Variants in RUNX2 observed in about 807,000 individuals in gnomAD.
RUNX2 encodes the protein runt-related transcription factor 2.
In RUNX2, 10 loss-of-function variants were observed where a neutral mutation model predicts 51.7. The ratio of observed to expected loss-of-function variants is 0.19; its 90% CI spans 0.12 to 0.33. The LOEUF (loss-of-function observed/expected upper bound fraction) is 0.33, where lower values mean the gene tolerates loss of function less well. RUNX2 is among the 10% of genes least tolerant of loss of function. The pLI is 1.00. For synonymous variants in RUNX2, 276 were observed against 273.6 expected (o/e 1.01, Z -0.09); for missense variants, 562 against 691.3 (o/e 0.81, Z 2.10).
At chr6:45,432,431 A>G (rs1034210729) in intron 4 of RUNX2, among the ~76,000 whole-genome samples, 5 of 152,204 alleles carry the variant, frequency 3.3e-5, no homozygotes, top group Non-Finnish European at 7.4e-5. Context: ...GACAGCTGGC[A>G]TAATGCTCTT....
chr6:45,384,706 CTTTTTTTTTT>C (rs56307239), intron 2 of RUNX2, among the ~76,000 whole-genome samples: 14 of 61,202 alleles, frequency 2.3e-4, no homozygotes, highest in African/African-American at 4.0e-4. Flanking sequence ...ATTAGGGTGT[CTTTTTTTTTT>C]TTTTTTTTTT....
chr6:45,444,795 T>C (rs2150376250), intron 5 of RUNX2, among the ~76,000 whole-genome samples: 1 of 152,216 alleles, frequency 6.6e-6, no homozygotes, highest in South Asian at 2.1e-4. Context: ...CAAGACATCA[T>C]CTCATTTTTC....
rs1207286547 is a variant in RUNX2 at position 45,387,135 on chromosome 6, C to T, written c.59-35458C>T. On this transcript the variant is annotated intron_variant, in intron 2 of 8. Coordinates refer to ENST00000647337, the MANE Select transcript of RUNX2 (RefSeq NM_001024630.4). The stretch of plus-strand genomic sequence containing the variant: ...GTAAGACATGAGGATAGAAGTAAGG[C>T]AAAGAAGGAACTCAAGTATCATTCC... 2.6e-5 allele frequency among the ~76,000 whole-genome samples: 4 copies of T among 152,100 alleles called. No homozygotes were observed. In the East Asian group the frequency reaches 7.8e-4, roughly 29 times the overall value.
At chr6:45,376,080 T>C (rs773893342) in intron 2 of RUNX2, among the ~76,000 whole-genome samples, 1 of 152,130 alleles carries the variant, frequency 6.6e-6, no homozygotes, top group African/African-American at 2.4e-5. Flanking sequence ...AAACCGACAA[T>C]CACAAAATAG....
Position 45,449,233 on chromosome 6 carries a change from A to G in RUNX2, c.685+11182A>G, listed in dbSNP as rs866143438. On this transcript the variant is annotated intron_variant, in intron 5 of 8. Coordinates refer to ENST00000647337, the MANE Select transcript of RUNX2 (RefSeq NM_001024630.4). Reference sequence around the variant, plus strand: ...TCTATTTCTTCATCTTTCAAATGGAAATAGACATGAAGGCAACTTCACAAA... The same window carrying G: ...TCTATTTCTTCATCTTTCAAATGGAGATAGACATGAAGGCAACTTCACAAA... 2.6e-5 allele frequency among the ~76,000 whole-genome samples: 4 copies of G among 152,242 alleles called. No individual in the cohort carries two copies. In the South Asian group the frequency reaches 6.2e-4, roughly 24 times the overall value.
At chr6:45,444,774 G>C (rs1289054076) in intron 5 of RUNX2, among the ~76,000 whole-genome samples, 2 of 152,170 alleles carry the variant, frequency 1.3e-5, no homozygotes, top group Admixed American at 6.5e-5. Context: ...TAACGAAACA[G>C]GTGGTGTAGG....
intron 7 of RUNX2, among the ~76,000 whole-genome samples, chr6:45,529,902 C>G (rs1801790676): frequency 1.3e-5 from 2 of 152,154 alleles, no homozygotes; most frequent in Admixed American, 6.5e-5. Flanking sequence ...ATGCCCTCCC[C>G]CTCCAGTCTT....
chr6:45,393,190 G>A (rs62400337), intron 2 of RUNX2, among the ~76,000 whole-genome samples: 1 of 152,068 alleles, frequency 6.6e-6, no homozygotes, highest in Non-Finnish European at 1.5e-5. Context: ...TGCTATATCT[G>A]AGTCTGGTTC....
At chr6:45,397,834 T>C (rs1462786574) in intron 2 of RUNX2, among the ~76,000 whole-genome samples, 1 of 152,220 alleles carries the variant, frequency 6.6e-6, no homozygotes, top group Admixed American at 6.5e-5. Flanking sequence ...CAATTAATCA[T>C]TTTTAAACTT....
chr6:45,375,019 C>T (rs1796585077), intron 2 of RUNX2, among the ~76,000 whole-genome samples: 1 of 152,048 alleles, frequency 6.6e-6, no homozygotes, highest in South Asian at 2.1e-4. Context: ...CCAGCCTGGC[C>T]AACATAGTGA....
chr6:45,372,925 C>T (rs2150316375), intron 2 of RUNX2, among the ~76,000 whole-genome samples: 1 of 152,276 alleles, frequency 6.6e-6, no homozygotes, highest in Non-Finnish European at 1.5e-5. Flanking sequence ...TCAAGCGATT[C>T]TGATGTCTCA....
At chr6:45,516,647 A>G (rs530638263) in intron 7 of RUNX2, among the ~76,000 whole-genome samples, 8 of 152,342 alleles carry the variant, frequency 5.3e-5, no homozygotes, top group African/African-American at 1.9e-4. Context: ...GTTATTTCTC[A>G]TTGATTCTAG....
chr6:45,538,204 G>C (rs527648961), intron 7 of RUNX2, among the ~76,000 whole-genome samples: 1 of 152,274 alleles, frequency 6.6e-6, no homozygotes, highest in East Asian at 1.9e-4. Context: ...ATACCAGTCT[G>C]TCCTGTCTGA....
intron 2 of RUNX2, among the ~76,000 whole-genome samples, chr6:45,378,885 A>G (rs1158674514): frequency 6.6e-6 from 1 of 152,206 alleles, no homozygotes; most frequent in South Asian, 2.1e-4. Context: ...GCCTGCTTAG[A>G]GAAGAAAACT....
chr6:45,338,355 AATT>A (rs1369065178), intron 2 of RUNX2, among the ~76,000 whole-genome samples: 1 of 152,086 alleles, frequency 6.6e-6, no homozygotes, highest in East Asian at 1.9e-4. Context: ...AAAAAAAAAA[AATT>A]ATAGGCAACT....
At chr6:45,375,846 A>G (rs931792267) in intron 2 of RUNX2, among the ~76,000 whole-genome samples, 1 of 152,056 alleles carries the variant, frequency 6.6e-6, no homozygotes, top group African/African-American at 2.4e-5. Context: ...AAACAGATGC[A>G]CATATTTCAA....
intron 2 of RUNX2, among the ~76,000 whole-genome samples, chr6:45,330,032 A>G (rs2150073674): frequency 6.6e-6 from 1 of 151,990 alleles, no homozygotes; most frequent in African/African-American, 2.4e-5. Context: ...GATCAGTCTC[A>G]GTTTAGGTCA....
chr6:45,404,275 G>GGAAAAAAAAAAAAAAAAAAAA (rs1797784517), intron 2 of RUNX2, among the ~76,000 whole-genome samples: 1 of 107,690 alleles, frequency 9.3e-6, no homozygotes, highest in Non-Finnish European at 1.9e-5. Context: ...AAAAAAAAAA[G>GGAAAAAAAAAAAAAAAAAAAA]AAAAAGAAAA....
At chr6:45,512,088 A>G (rs764199626) in intron 6 of RUNX2, among the ~76,000 whole-genome samples, 158 bp from the exon 7 acceptor site, 20 of 152,174 alleles carry the variant, frequency 1.3e-4, no homozygotes, top group Non-Finnish European at 2.4e-4. Context: ...GGATGGGGTT[A>G]TAAGAGATAA....
Sources: gnomAD v4.1 joint callset for allele counts (sites outside exome capture counted in the v4.1 genomes callset) on GRCh38, gnomAD v4.1.1 for gene constraint, MANE v1.5 for transcripts, NCBI Gene and HGNC (gene_info 2026-07-23, HGNC 2026-07-21) for gene names.